PAPPA: variants seen among roughly 807,000 people sequenced by gnomAD.
PAPPA encodes the protein pappalysin 1, also known as pappalysin-1.
A neutral mutation model predicts 164.0 loss-of-function variants in PAPPA; 60 were observed. The observed-to-expected ratio is 0.37, with a 90% CI of 0.30 to 0.45. The LOEUF is 0.45. Ranked by LOEUF, PAPPA falls within the 20% of genes least tolerant of loss-of-function variation. PAPPA has a pLI of 1.00. For synonymous variants in PAPPA, 875 were observed against 814.1 expected, an observed-to-expected ratio of 1.07 and a Z score of -1.27; for missense variants, 1,782 against 2,087.3, an observed-to-expected ratio of 0.85 and a Z score of 2.85.
chr9:116,338,942 G>A (rs55719775), intron 13 of PAPPA, among the ~76,000 whole-genome samples: 21,176 of 152,152 alleles, frequency 0.14, 1,825 homozygotes, highest in East Asian at 0.28. Context: ...CTAAAAGCGG[G>A]GAAGGCTCTG....
At chr9:116,168,732 T>C (rs1211751346) in intron 1 of PAPPA, among the ~76,000 whole-genome samples, 1 of 152,234 alleles carries the variant, frequency 6.6e-6, no homozygotes, top group Non-Finnish European at 1.5e-5. Flanking sequence ...GAGTATCTTT[T>C]AGGAGTATGG....
intron 1 of PAPPA, among the ~76,000 whole-genome samples, chr9:116,179,200 G>A (rs1415179003): frequency 6.6e-6 from 1 of 152,200 alleles, no homozygotes; most frequent in African/African-American, 2.4e-5. Flanking sequence ...CTTGTCTGAT[G>A]TCACACAGCT....
At chr9:116,318,547 TG>T (rs1845815128) in intron 10 of PAPPA, 1 of 152,126 alleles carries the variant, frequency 6.6e-6, no homozygotes. Context: ...CCTCTCACCC[TG>T]TAAGAATACA....
At chr9:116,306,191 A>G (rs1924033) in intron 10 of PAPPA, among the ~76,000 whole-genome samples, 5,709 of 152,278 alleles carry the variant, frequency 0.037, 379 homozygotes, top group African/African-American at 0.13. Context: ...AAGAAACCAA[A>G]GAACTGAAAT....
chr9:116,362,547 G>C, intron 17 of PAPPA, 45 bp from the exon 18 acceptor site: 2 of 1,587,710 alleles, frequency 1.3e-6, no homozygotes, highest in East Asian at 2.2e-5. Context: ...ATTCAATTGG[G>C]GCTGGTGTCT....
At chr9:116,267,004 G>A (rs1341368064) in intron 8 of PAPPA, among the ~76,000 whole-genome samples, 1 of 152,166 alleles carries the variant, frequency 6.6e-6, no homozygotes, top group Non-Finnish European at 1.5e-5. Context: ...GCACTGTTGG[G>A]TGTCACATAA....
Position 116,220,961 on chromosome 9 carries a change from T to A in PAPPA, c.2111+832T>A, listed in dbSNP as rs548003812. On this transcript the variant is annotated intron_variant, in intron 5 of 21. Coordinates refer to ENST00000328252, the MANE Select transcript of PAPPA (RefSeq NM_002581.5). ...TTTTGCACCAAATGTTTTTTTTTTT[T>A]ATTTTGTAGAACTAAAGGTAGCATT... Among the ~76,000 whole-genome samples the A allele has an allele frequency of 1.7e-4, 24 of 138,170 alleles. No homozygotes were observed. The South Asian group carries it at 3.9e-3, about 23-fold the overall frequency. 90.6% of individuals were successfully genotyped at this position (138,170 alleles called of 152,430 possible).
intron 13 of PAPPA, among the ~76,000 whole-genome samples, chr9:116,336,762 T>C (rs537047478): frequency 5.3e-5 from 8 of 152,344 alleles, no homozygotes; most frequent in Non-Finnish European, 1.2e-4. Flanking sequence ...TATTTGACCT[T>C]GGATTAGTCA....
chr9:116,230,266 A>G (rs1587962617), intron 6 of PAPPA, among the ~76,000 whole-genome samples: 1 of 152,320 alleles, frequency 6.6e-6, no homozygotes, highest in Admixed American at 6.5e-5. Context: ...AAACTTTTCC[A>G]TGAGCCAAAC....
At chr9:116,309,445 T>C (rs552783296) in intron 10 of PAPPA, among the ~76,000 whole-genome samples, 1 of 152,254 alleles carries the variant, frequency 6.6e-6, no homozygotes, top group East Asian at 1.9e-4. Context: ...CTGTGTCTTC[T>C]TCATCCTTGT....
intron 1 of PAPPA, among the ~76,000 whole-genome samples, chr9:116,159,353 C>T (rs557442448): frequency 5.8e-4 from 88 of 152,272 alleles, no homozygotes; most frequent in Admixed American, 1.4e-3. Flanking sequence ...TTCCAGTTTG[C>T]GGCTTTGGCT....
chr9:116,211,722 C>T lies in PAPPA; in HGVS notation c.1708C>T (p.Leu570Phe). The change falls in exon 4 of 22, where the codon CTC (leucine) becomes TTC (phenylalanine). Residue 570 changes from leucine to phenylalanine, a missense_variant. Around this residue, in one of 2 missense-constraint regions of PAPPA, gnomAD observed 1,324 missense variants for 1,656.9 expected, o/e 0.80. Transcript: ENST00000328252. ...CCATGAGATTGGTCACAGCCTGGGC[C>T]TCTATCACGTCTTCCGAGGCATCTC... ...MIHEIGHSLG[L>F]YHVFRGISEI... 1 of 1,614,104 alleles carries T rather than the reference C, an allele frequency of 6.2e-7. No homozygotes were observed. Among genetic ancestry groups the T allele is most frequent in the Non-Finnish European group, 8.5e-7 (1 of 1,179,988 alleles).
chr9:116,255,282 A>C (rs567637733), intron 7 of PAPPA, among the ~76,000 whole-genome samples: 103 of 152,190 alleles, frequency 6.8e-4, no homozygotes, highest in South Asian at 1.9e-3. Context: ...ATCTTGTTTT[A>C]TAATTGTTAC....
In PAPPA at chr9:116,402,036, A is replaced by G. The variant is rs1271960780; in HGVS notation, c.*5420A>G. Reference sequence around the variant, plus strand: ...TTTGGCAATATATAAAAATGTAAATAGTAAACTTTATTTATTAAGAATGTC... The same window carrying G: ...TTTGGCAATATATAAAAATGTAAATGGTAAACTTTATTTATTAAGAATGTC... On this transcript the variant is annotated 3_prime_UTR_variant, in exon 22 of 22. Transcript: ENST00000328252. The G allele has an allele frequency of 1.8e-4, 28 of 152,480 alleles. No individual in the cohort carries two copies. 9.4% of individuals were successfully genotyped at this position (152,480 alleles called of 1,614,324 possible).
Position 116,207,462 on chromosome 9 carries a change from CTTGGA to C in PAPPA, c.1487_1491del (p.Leu496CysfsTer2). ...GGTTCTTTTTCTGTTTCAGAGCCTA[CTTGGA>C]TGTTAATGAGCTGAAGAACATTCTT... On this transcript the variant is annotated frameshift_variant, in exon 3 of 22. Transcript: ENST00000328252. LOFTEE classifies it high-confidence loss of function. 1 of 1,610,302 alleles carries C rather than the reference CTTGGA, an allele frequency of 6.2e-7. No individual in the cohort carries two copies. Among genetic ancestry groups the C allele is most frequent in the Non-Finnish European group, 8.5e-7 (1 of 1,178,062 alleles).
intron 1 of PAPPA, among the ~76,000 whole-genome samples, chr9:116,177,730 G>A (rs1843853844): frequency 6.6e-6 from 1 of 152,130 alleles, no homozygotes; most frequent in Non-Finnish European, 1.5e-5. Flanking sequence ...AATGACCGAA[G>A]GAAAGATCTC....
intron 2 of PAPPA, among the ~76,000 whole-genome samples, chr9:116,197,134 A>T (rs538736091): frequency 6.6e-6 from 1 of 152,346 alleles, no homozygotes; most frequent in East Asian, 1.9e-4. Flanking sequence ...CTCTTATTTC[A>T]AATTCTTCAT....
chr9:116,344,050 G>A (rs1846174536), intron 13 of PAPPA, among the ~76,000 whole-genome samples: 1 of 152,164 alleles, frequency 6.6e-6, no homozygotes, highest in Non-Finnish European at 1.5e-5. Flanking sequence ...ACAGGCATGA[G>A]CCACCGCGCC....
intron 9 of PAPPA, among the ~76,000 whole-genome samples, chr9:116,283,617 A>G (rs958131601): frequency 2.0e-5 from 3 of 152,308 alleles, no homozygotes; most frequent in East Asian, 3.9e-4. Flanking sequence ...AACTGACCCA[A>G]AGAGAAATCA....
Sources: gnomAD v4.1 joint callset for allele counts (sites outside exome capture counted in the v4.1 genomes callset) on GRCh38, gnomAD v4.1.1 for gene constraint, gnomAD v4.1.1 regional missense constraint, MANE v1.5 for transcripts, NCBI Gene and HGNC (gene_info 2026-07-23, HGNC 2026-07-21) for gene names.